Variants in NRG1 observed in about 807,000 individuals in gnomAD.
The protein encoded by NRG1 is neuregulin 1, also known as pro-neuregulin-1, membrane-bound isoform.
NRG1 carries 18 observed loss-of-function variants against 63.8 expected under a neutral mutation model. The observed-to-expected ratio is 0.28, with a 90% CI of 0.19 to 0.42. NRG1 has a LOEUF of 0.42. NRG1 is among the 10% of genes least tolerant of loss of function. The probability of loss-of-function intolerance (pLI) is 1.00; values close to 1 mark genes in which losing one functional copy is unlikely to be tolerated. For synonymous variants in NRG1, 302 were observed against 301.3 expected, an observed-to-expected ratio of 1.00 and a Z score of -0.02; for missense variants, 762 against 814.7, an observed-to-expected ratio of 0.94 and a Z score of 0.79.
chr8:32,762,737 C>T (rs1325529523), intron 11 of NRG1, among the ~76,000 whole-genome samples: 1 of 152,128 alleles, frequency 6.6e-6, no homozygotes, highest in African/African-American at 2.4e-5. Flanking sequence ...TAGTGTTGTG[C>T]GTTGGTAACA....
intron 1 of NRG1, among the ~76,000 whole-genome samples, chr8:31,797,649 A>T (rs1192912110): frequency 6.6e-6 from 1 of 152,212 alleles, no homozygotes; most frequent in African/African-American, 2.4e-5. Flanking sequence ...TATTGAAGAG[A>T]TGTCTCCTAT....
intron 1 of NRG1, among the ~76,000 whole-genome samples, chr8:32,191,384 G>T (rs181181537): frequency 6.6e-6 from 1 of 152,216 alleles, no homozygotes; most frequent in East Asian, 1.9e-4. Flanking sequence ...CTGGCCCAAA[G>T]TTATTAGATC....
At chr8:32,064,012 TAA>T (rs1179426926) in intron 1 of NRG1, among the ~76,000 whole-genome samples, 1 of 151,976 alleles carries the variant, frequency 6.6e-6, no homozygotes, top group East Asian at 1.9e-4. Context: ...GTGAGAAACC[TAA>T]GTGTCATGGG....
chr8:31,722,001 C>T (rs1454540971), intron 1 of NRG1, among the ~76,000 whole-genome samples: 1 of 152,098 alleles, frequency 6.6e-6, no homozygotes, highest in African/African-American at 2.4e-5. Context: ...TTCACTCACT[C>T]TTATATCTTT....
chr8:32,014,648 T>C (rs1416187431), intron 1 of NRG1, among the ~76,000 whole-genome samples: 1 of 151,938 alleles, frequency 6.6e-6, no homozygotes, highest in African/African-American at 2.4e-5. Context: ...AAGGACTTGA[T>C]TTTTTTCCAA....
chr8:32,439,109 T>C (rs549120038), intron 1 of NRG1, among the ~76,000 whole-genome samples: 1 of 152,302 alleles, frequency 6.6e-6, no homozygotes, highest in East Asian at 1.9e-4. Context: ...TTGTCCTAGA[T>C]AATGTAAAAT....
At chr8:32,593,565 G>A (rs892451071) in intron 1 of NRG1, among the ~76,000 whole-genome samples, 1 of 151,808 alleles carries the variant, frequency 6.6e-6, no homozygotes, top group Non-Finnish European at 1.5e-5. Context: ...GAGGTGGGAG[G>A]ATCACTTGAG....
At chr8:32,359,831 C>T (rs149392433) in intron 1 of NRG1, among the ~76,000 whole-genome samples, 6 of 152,194 alleles carry the variant, frequency 3.9e-5, no homozygotes, top group African/African-American at 7.2e-5. Context: ...ATGCCAAAAC[C>T]GACTGTGCTG....
intron 1 of NRG1, among the ~76,000 whole-genome samples, chr8:32,097,933 G>C (rs879843860): frequency 1.3e-5 from 2 of 152,138 alleles, no homozygotes; most frequent in Non-Finnish European, 2.9e-5. Context: ...AAGAGGTCAG[G>C]GCTGGAGATA....
At chr8:32,301,039 T>G (rs1185266402) in intron 1 of NRG1, among the ~76,000 whole-genome samples, 1 of 152,214 alleles carries the variant, frequency 6.6e-6, no homozygotes, top group Admixed American at 6.5e-5. Context: ...AATTCTGTAT[T>G]TAGACAATCT....
At chr8:31,811,436 T>A (rs1404536471) in intron 1 of NRG1, among the ~76,000 whole-genome samples, 1 of 152,192 alleles carries the variant, frequency 6.6e-6, no homozygotes, top group Non-Finnish European at 1.5e-5. Flanking sequence ...TAGTTAAAAT[T>A]TTCCCCGATG....
At chr8:32,727,140 T>G (rs1306150896) in intron 5 of NRG1, among the ~76,000 whole-genome samples, 1 of 152,218 alleles carries the variant, frequency 6.6e-6, no homozygotes, top group Non-Finnish European at 1.5e-5. Flanking sequence ...GTATAATTCA[T>G]GCACCCACTT....
chr8:32,017,334 C>G (rs141942999), intron 1 of NRG1, among the ~76,000 whole-genome samples: 1 of 152,122 alleles, frequency 6.6e-6, no homozygotes, highest in Non-Finnish European at 1.5e-5. Flanking sequence ...GTTTTCCCTC[C>G]GCTCTCACAC....
intron 1 of NRG1, among the ~76,000 whole-genome samples, chr8:31,739,234 G>A (rs529943709): frequency 6.6e-6 from 1 of 152,062 alleles, no homozygotes; most frequent in African/African-American, 2.4e-5. Flanking sequence ...GTCTTCACGC[G>A]GCAAACCAAT....
chr8:32,669,717 G>C (rs1309461166), intron 5 of NRG1, among the ~76,000 whole-genome samples: 3 of 152,162 alleles, frequency 2.0e-5, no homozygotes, highest in Non-Finnish European at 4.4e-5. Flanking sequence ...ATTAGGGTTG[G>C]TCTTATTTAG....
At chr8:32,115,419 A>G (rs901473272) in intron 1 of NRG1, among the ~76,000 whole-genome samples, 6 of 152,296 alleles carry the variant, frequency 3.9e-5, no homozygotes, top group Admixed American at 1.3e-4. Flanking sequence ...TATTATTACA[A>G]TAAAGTTGGA....
Position 32,333,614 on chromosome 8 carries a change from C to A in NRG1, c.38-262214C>A, listed in dbSNP as rs549596626. On this transcript the variant is annotated intron_variant, in intron 1 of 10. Coordinates refer to the NRG1 transcript ENST00000519301. ...ACTCACTTAAATGTATGAGAAGAGA[C>A]CCCTGTAATCAATGTTTTTAAAGTT... 6.0e-4 allele frequency among the ~76,000 whole-genome samples: 91 copies of A among 152,204 alleles called. 1 individual carries two copies. In the South Asian group the frequency reaches 0.012, roughly 21 times the overall value.
intron 1 of NRG1, among the ~76,000 whole-genome samples, chr8:31,950,173 G>A (rs1426875931): frequency 6.6e-6 from 1 of 152,120 alleles, no homozygotes; most frequent in Non-Finnish European, 1.5e-5. Flanking sequence ...GATAGAACAG[G>A]GACAGTCTGA....
chr8:32,454,570 C>T (rs976809416), intron 1 of NRG1, among the ~76,000 whole-genome samples: 3 of 145,820 alleles, frequency 2.1e-5, no homozygotes, highest in South Asian at 4.3e-4. Flanking sequence ...TCTTCCCATC[C>T]CTCTTTTTTT....
Sources: gnomAD v4.1 joint callset for allele counts (sites outside exome capture counted in the v4.1 genomes callset) on GRCh38, gnomAD v4.1.1 for gene constraint, MANE v1.5 for transcripts, NCBI Gene and HGNC (gene_info 2026-07-23, HGNC 2026-07-21) for gene names.